HYAL4: variants seen among roughly 807,000 people sequenced by gnomAD.
The protein encoded by HYAL4 is hyaluronidase 4.
HYAL4 carries 37 observed loss-of-function variants against 35.2 expected under a neutral mutation model. That is an observed-to-expected ratio of 1.05 (90% confidence interval 0.81 to 1.38). The LOEUF is 1.38. Ranked by LOEUF, HYAL4 falls within the 40% of genes most tolerant of loss-of-function variation. The pLI is 0.00. For missense variants in HYAL4, 572 were observed against 572.4 expected (o/e 1.00, Z 0.01); for synonymous variants, 198 against 203.2 (o/e 0.97, Z 0.22).
the HYAL4 span, among the ~76,000 whole-genome samples, chr7:123,808,399 T>C: frequency 1.3e-5 from 2 of 151,002 alleles, no homozygotes; most frequent in South Asian, 2.1e-4. Flanking sequence ...CATGCACACA[T>C]ATTTTATATG....
chr7:123,877,224 CATT>C lies in HYAL4; in HGVS notation c.*70_*72del. 1.4e-6 allele frequency: 2 copies of C among 1,432,368 alleles called. No homozygotes were observed. The highest frequency in any genetic ancestry group is 9.5e-7 in the Non-Finnish European group (1 of 1,057,366). 88.7% of individuals were successfully genotyped at this position (1,432,368 alleles called of 1,614,324 possible). ...ATTTAAAGAAGGATGTAACTTATAA[CATT>C]TTTTTTCTCTTATGAATTCTATTGA... is the stretch of plus-strand genomic sequence containing the variant. On this transcript the variant is annotated 3_prime_UTR_variant, in exon 5 of 5. Coordinates refer to ENST00000223026, the MANE Select transcript of HYAL4 (RefSeq NM_012269.3).
rs1266018586 is a variant in HYAL4, at chr7:123,869,106, C to T, written c.833C>T (p.Ser278Phe). ...GACAGTGAAAACATTTTGCGCTTCT[C>T]CAAATTTCGGGTGCATGAATCCATG... ...LGDSENILRF[S>F]KFRVHESMRI... The change falls in exon 3 of 5, where the codon TCC (serine) becomes TTC (phenylalanine). Residue 278 changes from serine (S) to phenylalanine (F), a missense_variant. Ser to Phe is a radical substitution (Grantham distance 155). Transcript: ENST00000223026. 6.2e-7 allele frequency: 1 copy of T among 1,614,178 alleles called. No homozygotes were observed. Among genetic ancestry groups the T allele is most frequent in the South Asian group, 1.1e-5 (1 of 91,082 alleles).
At chr7:123,862,261 G>T (rs1364809567) in intron 2 of HYAL4, among the ~76,000 whole-genome samples, 1 of 152,036 alleles carries the variant, frequency 6.6e-6, no homozygotes, top group African/African-American at 2.4e-5. Context: ...CTTTCCTTAA[G>T]GGCTTGGAAA....
upstream of HYAL4, among the ~76,000 whole-genome samples, chr7:123,840,437 T>A (rs1290025645): frequency 6.6e-6 from 1 of 152,162 alleles, no homozygotes; most frequent in Non-Finnish European, 1.5e-5. Context: ...TCCAGCTTTG[T>A]TCTTTTTGCT....
the HYAL4 span, among the ~76,000 whole-genome samples, chr7:123,769,683 T>G: frequency 1.3e-5 from 2 of 152,106 alleles, no homozygotes; most frequent in Non-Finnish European, 2.9e-5. Flanking sequence ...TGCATCACAG[T>G]GTCCACTACA....
the HYAL4 span, among the ~76,000 whole-genome samples, chr7:123,770,844 T>C: frequency 6.6e-6 from 1 of 152,138 alleles, no homozygotes; most frequent in Non-Finnish European, 1.5e-5. Context: ...AGAGATTCTG[T>C]GTCTTATTAT....
chr7:123,799,684 G>A, the HYAL4 span, among the ~76,000 whole-genome samples: 3 of 151,692 alleles, frequency 2.0e-5, no homozygotes, highest in Admixed American at 6.6e-5. Context: ...TAACATTTTT[G>A]TTAATAATTT....
the HYAL4 span, among the ~76,000 whole-genome samples, chr7:123,773,216 G>A: frequency 6.6e-6 from 1 of 152,068 alleles, no homozygotes; most frequent in African/African-American, 2.4e-5. Flanking sequence ...AAATAGTCCA[G>A]GTGCTCTTCT....
At chr7:123,856,518 G>A (rs974156437) in intron 2 of HYAL4, among the ~76,000 whole-genome samples, 2 of 152,148 alleles carry the variant, frequency 1.3e-5, no homozygotes, top group African/African-American at 4.8e-5. Flanking sequence ...GGTATCACTA[G>A]GAGGCTGCAG....
At chr7:123,813,002 A>G in the HYAL4 span, among the ~76,000 whole-genome samples, 2 of 152,180 alleles carry the variant, frequency 1.3e-5, no homozygotes, top group Non-Finnish European at 2.9e-5. Flanking sequence ...TTGTTAATTT[A>G]AAAATTCAGT....
the HYAL4 span, among the ~76,000 whole-genome samples, chr7:123,815,251 C>T: frequency 8.5e-4 from 130 of 152,180 alleles, no homozygotes; most frequent in Admixed American, 3.1e-3. Flanking sequence ...ATGATTCTTA[C>T]CAGCTTAGCA....
At chr7:123,797,490 T>C in the HYAL4 span, among the ~76,000 whole-genome samples, 2 of 152,208 alleles carry the variant, frequency 1.3e-5, no homozygotes, top group Non-Finnish European at 2.9e-5. Context: ...ACTTGAAAGC[T>C]GAAAAGCCAA....
chr7:123,827,414 T>C (rs1229927403), upstream of HYAL4, among the ~76,000 whole-genome samples: 1 of 152,140 alleles, frequency 6.6e-6, no homozygotes, highest in Non-Finnish European at 1.5e-5. Context: ...TGCCGACCTT[T>C]GTCTTTCTTG....
At chr7:123,866,299 G>C (rs1806685878) in intron 2 of HYAL4, among the ~76,000 whole-genome samples, 1 of 152,188 alleles carries the variant, frequency 6.6e-6, no homozygotes, top group Non-Finnish European at 1.5e-5. Flanking sequence ...GCTGCTCCTT[G>C]ACACTGGAAT....
chr7:123,865,644 ATTAC>A (rs1262238366), intron 2 of HYAL4, among the ~76,000 whole-genome samples: 2 of 152,122 alleles, frequency 1.3e-5, no homozygotes, highest in Non-Finnish European at 2.9e-5. Flanking sequence ...AGTTTTGTGA[ATTAC>A]TTAAAATTTT....
chr7:123,866,263 G>A (rs1044984621), intron 2 of HYAL4, among the ~76,000 whole-genome samples: 2 of 152,196 alleles, frequency 1.3e-5, no homozygotes, highest in African/African-American at 4.8e-5. Context: ...ATGGGCATCA[G>A]GTTCAGAATC....
chr7:123,875,958 C>A (rs1222927839), intron 4 of HYAL4: 2 of 450,546 alleles, frequency 4.4e-6, no homozygotes, highest in Admixed American at 2.4e-5. Flanking sequence ...GTTCATGAAA[C>A]TGTTTATGCC....
the HYAL4 span, among the ~76,000 whole-genome samples, chr7:123,789,849 A>G: frequency 6.6e-6 from 1 of 152,108 alleles, no homozygotes; most frequent in Non-Finnish European, 1.5e-5. Flanking sequence ...TATATATCCT[A>G]TTTGTTGGAC....
At chr7:123,858,254 A>G (rs1806501129) in intron 2 of HYAL4, among the ~76,000 whole-genome samples, 1 of 152,188 alleles carries the variant, frequency 6.6e-6, no homozygotes, top group African/African-American at 2.4e-5. Flanking sequence ...GAAGAAAATT[A>G]TATACAGACA....
Sources: allele counts gnomAD v4.1 joint callset (sites outside exome capture counted in the v4.1 genomes callset), GRCh38; gene constraint gnomAD v4.1.1; transcripts MANE v1.5; gene names NCBI Gene and HGNC (gene_info 2026-07-23, HGNC 2026-07-21).